NR6A1: variants seen among roughly 807,000 people sequenced by gnomAD.
NR6A1 encodes the protein nuclear receptor subfamily 6 group A member 1.
A neutral mutation model predicts 59.1 loss-of-function variants in NR6A1; 7 were observed. The ratio of observed to expected loss-of-function variants is 0.12; its 90% CI spans 0.07 to 0.22. The LOEUF (loss-of-function observed/expected upper bound fraction) is 0.22, where lower values mean the gene tolerates loss of function less well. Ranked by LOEUF, NR6A1 falls within the 10% of genes least tolerant of loss-of-function variation. The pLI is 1.00. For synonymous variants in NR6A1, 243 were observed against 236.1 expected, an observed-to-expected ratio of 1.03 and a Z score of -0.27; for missense variants, 468 against 611.6, an observed-to-expected ratio of 0.77 and a Z score of 2.48.
At chr9:124,693,234 C>T (rs926000722) in intron 2 of NR6A1, among the ~76,000 whole-genome samples, 1 of 152,118 alleles carries the variant, frequency 6.6e-6, no homozygotes, top group Non-Finnish European at 1.5e-5. Context: ...AAAACAGAGG[C>T]TAAGAGTACC....
chr9:124,707,693 T>G (rs1839174215), intron 2 of NR6A1, among the ~76,000 whole-genome samples: 1 of 152,236 alleles, frequency 6.6e-6, no homozygotes, highest in African/African-American at 2.4e-5. Flanking sequence ...TTACTAACTT[T>G]CCTGCACTAA....
At chr9:124,622,541 A>C (rs1036935524) in intron 2 of NR6A1, among the ~76,000 whole-genome samples, 6 of 152,244 alleles carry the variant, frequency 3.9e-5, no homozygotes, top group Admixed American at 1.3e-4. Flanking sequence ...TTCTCTGAGG[A>C]GAAATGTCTT....
chr9:124,603,865 A>T (rs1835511300), intron 2 of NR6A1, among the ~76,000 whole-genome samples: 1 of 152,166 alleles, frequency 6.6e-6, no homozygotes, highest in African/African-American at 2.4e-5. Context: ...TTCCAACTCC[A>T]GCAAATCTTA....
chr9:124,762,575 C>T (rs1042958773), intron 1 of NR6A1, among the ~76,000 whole-genome samples: 2 of 152,174 alleles, frequency 1.3e-5, no homozygotes, highest in African/African-American at 4.8e-5. Context: ...TTTGATACTA[C>T]ACCAAAACTC....
intron 2 of NR6A1, among the ~76,000 whole-genome samples, chr9:124,560,345 T>G (rs1356226893): frequency 6.6e-6 from 1 of 152,216 alleles, no homozygotes; most frequent in African/African-American, 2.4e-5. Flanking sequence ...CATGTCATTC[T>G]GGTCTATTGA....
chr9:124,767,848 C>T (rs926646495), intron 1 of NR6A1, among the ~76,000 whole-genome samples: 6 of 152,170 alleles, frequency 3.9e-5, no homozygotes, highest in African/African-American at 1.4e-4. Flanking sequence ...CCTTCCTTTG[C>T]CTTCCTTTGC....
chr9:124,727,201 G>A (rs1056885220), intron 2 of NR6A1, among the ~76,000 whole-genome samples: 1 of 152,172 alleles, frequency 6.6e-6, no homozygotes, highest in African/African-American at 2.4e-5. Flanking sequence ...TTTTCCCTGA[G>A]TAATTCAAGT....
At position 124,544,007 on chromosome 9, in the gene NR6A1, A is replaced by G; in HGVS notation, c.386-150T>C. 5.9e-6 allele frequency: 4 copies of G among 681,364 alleles called. 1 individual carries two copies. The highest frequency in any genetic ancestry group is 3.8e-5 in the South Asian group (2 of 52,920). The allele number at this position is 681,364 out of a possible 1,614,324, so 42.2% of individuals were successfully genotyped here. A position where few individuals can be genotyped will look rare whatever the true frequency, so the allele number is the denominator to read the frequency against. On this transcript the variant is annotated intron_variant, in intron 3 of 9. Coordinates refer to ENST00000487099, the MANE Select transcript of NR6A1 (RefSeq NM_033334.4). ...GGTCCTTCTGGATCCAAAGCACACA[A>G]TTCTTTCTATTATTCCAGGCTCCTT...
chr9:124,692,330 T>C (rs767455755), intron 2 of NR6A1: 14 of 322,012 alleles, frequency 4.3e-5, no homozygotes, highest in East Asian at 3.0e-4. Context: ...TGCACACAAA[T>C]TGATTTTATA....
intron 2 of NR6A1, among the ~76,000 whole-genome samples, chr9:124,592,256 C>A (rs1034814909): frequency 3.3e-5 from 5 of 151,812 alleles, no homozygotes; most frequent in East Asian, 1.9e-4. Context: ...AGGCCCTCCC[C>A]CTAATACACA....
intron 2 of NR6A1, among the ~76,000 whole-genome samples, chr9:124,580,576 C>G (rs1834735244): frequency 1.3e-5 from 2 of 152,076 alleles, no homozygotes; most frequent in African/African-American, 4.8e-5. Context: ...TCCCAGCACT[C>G]TGGGAGGCCT....
At chr9:124,575,561 G>A (rs572378826) in intron 2 of NR6A1, among the ~76,000 whole-genome samples, 74 of 152,228 alleles carry the variant, frequency 4.9e-4, no homozygotes, top group Non-Finnish European at 7.1e-4. Flanking sequence ...GTGACAGATC[G>A]AGACTCTGTC....
At chr9:124,697,540 A>G (rs1446646523) in intron 2 of NR6A1, among the ~76,000 whole-genome samples, 1 of 152,198 alleles carries the variant, frequency 6.6e-6, no homozygotes, top group African/African-American at 2.4e-5. Flanking sequence ...TAGAGTAAGC[A>G]TTCCAAGCAT....
chr9:124,731,510 C>T (rs964551895), intron 2 of NR6A1, among the ~76,000 whole-genome samples: 2 of 151,188 alleles, frequency 1.3e-5, no homozygotes, highest in East Asian at 1.9e-4. Flanking sequence ...CACAGGTCCA[C>T]TTCTACGCAG....
At chr9:124,633,232 G>C (rs1037137707) in intron 2 of NR6A1, among the ~76,000 whole-genome samples, 1 of 151,602 alleles carries the variant, frequency 6.6e-6, no homozygotes, top group Admixed American at 6.6e-5. Context: ...GTGAAACCCC[G>C]TCTCTACTAA....
At chr9:124,636,496 A>C (rs1836616681) in intron 2 of NR6A1, among the ~76,000 whole-genome samples, 1 of 152,112 alleles carries the variant, frequency 6.6e-6, no homozygotes, top group Admixed American at 6.6e-5. Context: ...ATCATACCCA[A>C]GGTCATCTAT....
chr9:124,767,729 T>C (rs1397392934), intron 1 of NR6A1, among the ~76,000 whole-genome samples: 1 of 152,188 alleles, frequency 6.6e-6, no homozygotes, highest in Non-Finnish European at 1.5e-5. Context: ...TTGGACGGCA[T>C]GGTTATAGCA....
intron 2 of NR6A1, among the ~76,000 whole-genome samples, chr9:124,615,311 AATG>A (rs541206929): frequency 2.0e-5 from 3 of 152,316 alleles, no homozygotes; most frequent in East Asian, 1.9e-4. Flanking sequence ...CACTCAGCAA[AATG>A]ATAATAGGCC....
At chr9:124,659,108 T>A (rs1015092861) in intron 2 of NR6A1, among the ~76,000 whole-genome samples, 2 of 152,372 alleles carry the variant, frequency 1.3e-5, no homozygotes, top group East Asian at 3.9e-4. Context: ...ACCTTTTCTA[T>A]CTCTAGTTTT....
Sources: gnomAD v4.1 joint callset for allele counts (sites outside exome capture counted in the v4.1 genomes callset) on GRCh38, gnomAD v4.1.1 for gene constraint, MANE v1.5 for transcripts, NCBI Gene and HGNC (gene_info 2026-07-23, HGNC 2026-07-21) for gene names.